Variants in TG observed in about 807,000 individuals in gnomAD.
The protein encoded by TG is thyroglobulin, also known as thyroid hormones.
TG carries 270 observed loss-of-function variants against 324.7 expected under a neutral mutation model. That is an observed-to-expected ratio of 0.83 (90% CI 0.75 to 0.92). The LOEUF (loss-of-function observed/expected upper bound fraction) is 0.92, where lower values mean the gene tolerates loss of function less well. Ranked by LOEUF, TG falls within the 40% of genes least tolerant of loss-of-function variation. TG has a pLI of 0.00. For missense variants in TG, 3,591 were observed against 3,456.4 expected, an observed-to-expected ratio of 1.04 and a Z score of -0.98; for synonymous variants, 1,401 against 1,327.0, an observed-to-expected ratio of 1.06 and a Z score of -1.21.
Position 133,022,187 on chromosome 8 carries a change from T to G in TG, c.7036+37T>G, listed in dbSNP as rs764001651. 14 of 1,613,426 alleles carry G rather than the reference T, an allele frequency of 8.7e-6. No homozygotes were observed. The Admixed American group carries it at 1.0e-4, about 12-fold the overall frequency. On this transcript the variant is annotated intron_variant, in intron 40 of 47. Transcript: ENST00000220616. The stretch of plus-strand genomic sequence containing the variant: ...CCTCTGGTGGGAGCTGCTGACCCCC[T>G]GAGCCAAGGCTCAGCCCCTTTTCCC...
chr8:132,983,120 G>A (rs1216219807), intron 34 of TG, among the ~76,000 whole-genome samples: 4 of 152,104 alleles, frequency 2.6e-5, no homozygotes, highest in Non-Finnish European at 5.9e-5. Flanking sequence ...TCTGCAGTAG[G>A]CAGGTGGTAC....
chr8:132,953,726 T>C (rs912491379), intron 27 of TG, among the ~76,000 whole-genome samples: 2 of 152,130 alleles, frequency 1.3e-5, no homozygotes. Context: ...GCTGAGAATA[T>C]GAGATTTTGC....
At chr8:132,967,048 A>G (rs1371490204) in intron 30 of TG, among the ~76,000 whole-genome samples, 1 of 150,238 alleles carries the variant, frequency 6.7e-6, no homozygotes, top group Non-Finnish European at 1.5e-5. Context: ...CCATCCATCC[A>G]TCCATCCATC....
chr8:133,020,129 A>G (rs762093492), intron 39 of TG, among the ~76,000 whole-genome samples: 2 of 152,228 alleles, frequency 1.3e-5, no homozygotes, highest in South Asian at 2.1e-4. Context: ...AGAGAGGCTA[A>G]GTGAGTTACA....
intron 39 of TG, 46 bp from the exon 40 acceptor site, chr8:133,021,945 G>T (rs1835604320): frequency 6.2e-7 from 1 of 1,613,070 alleles, no homozygotes; most frequent in Non-Finnish European, 8.5e-7. Flanking sequence ...GCATGGGAAA[G>T]GTGCCCTCCC....
Position 132,923,517 on chromosome 8 carries a change from T to G in TG, c.4699+9T>G, listed in dbSNP as rs1206559670. 1 of 1,611,952 alleles carries G rather than the reference T, an allele frequency of 6.2e-7. No individual in the cohort carries two copies. The highest frequency in any genetic ancestry group is 8.5e-7 in the Non-Finnish European group (1 of 1,178,262). ...GGACTCACAGTGTTTGAGTAGGTGC[T>G]GGGGGTGAAATCAGTCATGGTTCCT... On this transcript the variant is annotated intron_variant, in intron 22 of 47. Transcript: ENST00000220616.
In TG at chr8:133,113,405, TC is replaced by T. The variant is rs1850425372; in HGVS notation, c.7573-16del. 6.2e-7 allele frequency: 1 copy of T among 1,611,376 alleles called. No individual in the cohort carries two copies. Among genetic ancestry groups the T allele is most frequent in the African/African-American group, 1.3e-5 (1 of 74,768 alleles). On this transcript the variant is annotated splice_polypyrimidine_tract_variant and intron_variant, in intron 43 of 47. Transcript: ENST00000220616. ...CAGAATCCAACTGAGGAATTTCGTA[TC>T]TTTTTTTTTTTCTAGCAATTTGAGG...
chr8:132,997,455 C>T (rs1832990019), intron 35 of TG, among the ~76,000 whole-genome samples: 1 of 152,078 alleles, frequency 6.6e-6, no homozygotes. Context: ...TATGAGCACA[C>T]CCATGGAGAA....
chr8:133,013,739 G>C lies in TG; in HGVS notation c.6537G>C (p.Glu2179Asp). ...ACTGCCGACTTCTGCTTCGTGAAGA[G>C]GCCACCCACATCTACCGGAAGCCAG... is the stretch of plus-strand genomic sequence containing the variant. ...GQNCRLLLREEATHIYRKPGI... is the reference protein window; with the variant it reads ...GQNCRLLLREDATHIYRKPGI... Residue 2179 changes from glutamate (E) to aspartate (D), a missense_variant, in exon 37 of 48, where the codon GAG becomes GAC. Coordinates refer to ENST00000220616, the MANE Select transcript of TG (RefSeq NM_003235.5). The C allele has an allele frequency of 6.2e-7, 1 of 1,612,412 alleles. No individual in the cohort carries two copies. The highest frequency in any genetic ancestry group is 8.5e-7 in the Non-Finnish European group (1 of 1,179,988).
chr8:132,983,244 C>A, intron 34 of TG, 106 bp from the exon 35 acceptor site: 1 of 1,275,420 alleles, frequency 7.8e-7, no homozygotes, highest in Non-Finnish European at 1.1e-6. Flanking sequence ...GTCTGCCTTC[C>A]AAGTCCAATT....
intron 19 of TG, among the ~76,000 whole-genome samples, chr8:132,912,619 C>T (rs866664702): frequency 6.6e-6 from 1 of 152,240 alleles, no homozygotes; most frequent in South Asian, 2.1e-4. Flanking sequence ...CACATTCTCT[C>T]CTAGGACCCT....
intron 35 of TG, among the ~76,000 whole-genome samples, chr8:133,003,683 T>A (rs1587736405): frequency 6.6e-6 from 1 of 152,234 alleles, no homozygotes; most frequent in East Asian, 1.9e-4. Context: ...GAGGCCCGCC[T>A]GTGCAGAGAC....
chr8:133,052,429 A>G (rs938053086), intron 41 of TG, among the ~76,000 whole-genome samples: 4 of 152,222 alleles, frequency 2.6e-5, no homozygotes, highest in East Asian at 1.9e-4. Flanking sequence ...CAATATGGAA[A>G]GGGATCAGGG....
At chr8:133,032,557 T>G (rs1587813171) in intron 41 of TG, among the ~76,000 whole-genome samples, 1 of 152,368 alleles carries the variant, frequency 6.6e-6, no homozygotes, top group African/African-American at 2.4e-5. Flanking sequence ...TTTAGTCATT[T>G]GGAAGTAGCT....
chr8:132,933,434 TTGTGTG>T (rs370957018), intron 23 of TG, 121 bp from the exon 24 acceptor site: 161 of 681,474 alleles, frequency 2.4e-4, no homozygotes, highest in Middle Eastern at 3.7e-4. Flanking sequence ...ATCTGCATAT[TTGTGTG>T]TGTGTGTGTG....
intron 41 of TG, among the ~76,000 whole-genome samples, chr8:133,079,003 A>G (rs968755732): frequency 1.3e-5 from 2 of 152,220 alleles, no homozygotes; most frequent in Non-Finnish European, 2.9e-5. Flanking sequence ...GGTTTCACAC[A>G]GGAACTTCAT....
At chr8:132,985,664 C>T (rs1343572477) in intron 35 of TG, among the ~76,000 whole-genome samples, 7 of 152,302 alleles carry the variant, frequency 4.6e-5, no homozygotes, top group African/African-American at 1.7e-4. Context: ...CCTGCTGTCA[C>T]ACACAATCCC....
Position 132,941,548 on chromosome 8 carries a change from G to C in TG, c.5233+6G>C, listed in dbSNP as rs755577678. The C allele has an allele frequency of 1.2e-5, 20 of 1,614,154 alleles. No homozygotes were observed. Among genetic ancestry groups the C allele is most frequent in the Non-Finnish European group, 1.7e-5 (20 of 1,180,006 alleles). ...CCTCACACAGGTTCAAGGAGGTAATGTTGGCAGTGAGGGCCAGGGCCTAAC... is the reference window on the plus strand; with the variant it reads ...CCTCACACAGGTTCAAGGAGGTAATCTTGGCAGTGAGGGCCAGGGCCTAAC... On this transcript the variant is annotated splice_donor_region_variant and intron_variant, in intron 26 of 47. Coordinates refer to ENST00000220616, the MANE Select transcript of TG (RefSeq NM_003235.5).
At chr8:132,994,616 T>C in intron 35 of TG, 5 of 1,180,812 alleles carry the variant, frequency 4.2e-6, no homozygotes, top group Non-Finnish European at 5.5e-6. Context: ...CCTTCAGTCA[T>C]CCATTCATTT....
Sources: gnomAD v4.1 joint callset for allele counts (sites outside exome capture counted in the v4.1 genomes callset) on GRCh38, gnomAD v4.1.1 for gene constraint, MANE v1.5 for transcripts, NCBI Gene and HGNC (gene_info 2026-07-23, HGNC 2026-07-21) for gene names.